The following UBE3C variants were observed in gnomAD, a reference collection of about 807,000 sequenced individuals.
UBE3C encodes ubiquitin-protein ligase E3C.
In UBE3C, 42 loss-of-function variants were observed where a neutral mutation model predicts 129.4. The observed-to-expected ratio is 0.32, with a 90% CI of 0.25 to 0.42. The LOEUF (loss-of-function observed/expected upper bound fraction) is 0.42. Among genes scored for constraint, UBE3C ranks in the 10% least tolerant of loss-of-function variants. The pLI is 1.00. For synonymous variants in UBE3C, 510 were observed against 492.4 expected (o/e 1.04, Z -0.47); for missense variants, 1,049 against 1,319.1 (o/e 0.80, Z 3.17).
At chr7:157,181,747 G>T (rs1421656566) in intron 7 of UBE3C, 76 bp downstream of exon 7, 7 of 1,519,044 alleles carry the variant, frequency 4.6e-6, no homozygotes, top group South Asian at 1.3e-5. Context: ...CATAGGATGT[G>T]ATTTTAAATA....
chr7:157,179,430 C>T (rs975421734), intron 6 of UBE3C, among the ~76,000 whole-genome samples: 6 of 152,134 alleles, frequency 3.9e-5, no homozygotes, highest in African/African-American at 1.2e-4. Flanking sequence ...ATCGTAGAAG[C>T]TATACTGAAC....
intron 11 of UBE3C, among the ~76,000 whole-genome samples, chr7:157,206,286 G>A (rs548588254): frequency 1.4e-4 from 22 of 152,052 alleles, no homozygotes; most frequent in Non-Finnish European, 2.1e-4. Flanking sequence ...TTTTGGAAAC[G>A]GAGTCTCGCC....
chr7:157,140,160 C>T (rs554225150), intron 1 of UBE3C: 2 of 326,008 alleles, frequency 6.1e-6, no homozygotes, highest in African/African-American at 2.3e-5. Flanking sequence ...TTGTTCCCGC[C>T]CCTCCCTTCC....
intron 17 of UBE3C, among the ~76,000 whole-genome samples, chr7:157,225,896 G>A (rs1405950809): frequency 1.3e-5 from 2 of 152,130 alleles, no homozygotes; most frequent in African/African-American, 4.8e-5. Flanking sequence ...GGCTGCAGTC[G>A]AACTCTGATT....
Position 157,257,688 on chromosome 7 carries a change from G to A in UBE3C, c.3081+644G>A, listed in dbSNP as rs188582388. 6.7e-5 allele frequency among the ~76,000 whole-genome samples: 9 copies of A among 134,346 alleles called. No individual in the cohort carries two copies. The East Asian group carries it at 2.0e-3, about 30-fold the overall frequency. 88.1% of individuals were successfully genotyped at this position (134,346 alleles called of 152,430 possible). On this transcript the variant is annotated intron_variant, in intron 22 of 22. Transcript: ENST00000348165. ...GGAGGTGGAGGTTGCAGTGAGCCGA[G>A]ATCGCGCCACTGCACTGCACTCCAG...
At chr7:157,227,945 G>A (rs1013649693) in intron 17 of UBE3C, among the ~76,000 whole-genome samples, 2 of 152,188 alleles carry the variant, frequency 1.3e-5, no homozygotes, top group Non-Finnish European at 2.9e-5. Context: ...AATACTGTAA[G>A]CATGATTAAG....
intron 22 of UBE3C, among the ~76,000 whole-genome samples, chr7:157,262,408 G>GGTTTTT (rs1247521634): frequency 5.1e-5 from 1 of 19,708 alleles, no homozygotes; most frequent in African/African-American, 1.2e-4. Context: ...CTCTTCATAG[G>GGTTTTT]CTTTTTTTTT....
chr7:157,215,450 T>C (rs1795529222), intron 13 of UBE3C, among the ~76,000 whole-genome samples: 1 of 148,820 alleles, frequency 6.7e-6, no homozygotes, highest in Non-Finnish European at 1.5e-5. Context: ...ATATCCAGTA[T>C]AGATTAGATA....
chr7:157,155,921 A>G (rs1807890614), intron 1 of UBE3C, among the ~76,000 whole-genome samples: 1 of 151,888 alleles, frequency 6.6e-6, no homozygotes. Context: ...TGGGTGTTTG[A>G]TGGACCTTGT....
At chr7:157,245,967 C>T (rs1176632) in intron 18 of UBE3C, among the ~76,000 whole-genome samples, 3 of 122,128 alleles carry the variant, frequency 2.5e-5, no homozygotes, top group Non-Finnish European at 3.2e-5. Flanking sequence ...CACTCCAGCC[C>T]GGGCAACAGA....
At chr7:157,179,883 A>C (rs1307807161) in intron 6 of UBE3C, among the ~76,000 whole-genome samples, 1 of 152,206 alleles carries the variant, frequency 6.6e-6, no homozygotes, top group African/African-American at 2.4e-5. Context: ...AAACTTAGGG[A>C]AACAGTATTC....
At chr7:157,210,653 T>G (rs1364261185) in intron 13 of UBE3C, among the ~76,000 whole-genome samples, 1 of 152,258 alleles carries the variant, frequency 6.6e-6, no homozygotes, top group East Asian at 1.9e-4. Context: ...ATTTTTCATA[T>G]TATTGTTGTG....
At chr7:157,210,126 G>A (rs188546455) in intron 13 of UBE3C, among the ~76,000 whole-genome samples, 509 of 152,248 alleles carry the variant, frequency 3.3e-3, no homozygotes, top group Non-Finnish European at 3.7e-3. Context: ...GCAGTCAGCC[G>A]AGATAGCGCC....
At position 157,256,905 on chromosome 7, in the gene UBE3C, T is replaced by C. The variant is rs1796766602; in HGVS notation, c.2951-9T>C. ...GCATTTCATAAAGCATGTGTTCATT[T>C]TGCCATAGGAGGCTATTCTGCAGAC... is the stretch of plus-strand genomic sequence containing the variant. On this transcript the variant is annotated splice_polypyrimidine_tract_variant and intron_variant, in intron 21 of 22. Coordinates refer to ENST00000348165, the MANE Select transcript of UBE3C (RefSeq NM_014671.3). 1 of 1,613,888 alleles carries C rather than the reference T, an allele frequency of 6.2e-7. No individual in the cohort carries two copies. Among genetic ancestry groups the C allele is most frequent in the African/African-American group, 1.3e-5 (1 of 74,924 alleles).
intron 19 of UBE3C, among the ~76,000 whole-genome samples, chr7:157,249,469 C>T (rs965733029): frequency 6.6e-6 from 1 of 152,174 alleles, no homozygotes; most frequent in African/African-American, 2.4e-5. Context: ...TGCGCCACCA[C>T]GCCCAGCTAA....
intron 10 of UBE3C, chr7:157,189,396 CT>C (rs1808893008): frequency 6.5e-6 from 1 of 154,020 alleles, no homozygotes; most frequent in South Asian, 2.1e-4. Flanking sequence ...TAAATATTCA[CT>C]GGCTATATTT....
In UBE3C at chr7:157,230,223, C is replaced by T. The variant is rs572573053; in HGVS notation, c.2234-857C>T. Among the ~76,000 whole-genome samples, 21 of 151,934 alleles carry T rather than the reference C, an allele frequency of 1.4e-4. No individual in the cohort carries two copies. The South Asian group carries it at 3.3e-3, about 24-fold the overall frequency. On this transcript the variant is annotated intron_variant, in intron 17 of 22. Coordinates refer to ENST00000348165, the MANE Select transcript of UBE3C (RefSeq NM_014671.3). ...CTGCACCTGGCCTTAATTTACTCTT[C>T]GTAGCAAATTATATAACCAGTAATT...
At chr7:157,236,269 C>T (rs935375711) in intron 18 of UBE3C, among the ~76,000 whole-genome samples, 1 of 152,042 alleles carries the variant, frequency 6.6e-6, no homozygotes, top group Non-Finnish European at 1.5e-5. Context: ...GCACCTAGGT[C>T]CATTTAAGCC....
chr7:157,179,822 C>T (rs1004342733), intron 6 of UBE3C, among the ~76,000 whole-genome samples: 1 of 152,168 alleles, frequency 6.6e-6, no homozygotes, highest in South Asian at 2.1e-4. Context: ...ATACTCATTT[C>T]AGCCTTGCTG....
Sources: allele counts gnomAD v4.1 joint callset (sites outside exome capture counted in the v4.1 genomes callset), GRCh38; gene constraint gnomAD v4.1.1; transcripts MANE v1.5; gene names NCBI Gene and HGNC (gene_info 2026-07-23, HGNC 2026-07-21).